The following PCDHA12 variants were observed in gnomAD, a reference collection of about 807,000 sequenced individuals.
PCDHA12 encodes the protein protocadherin alpha-12.
In PCDHA12, 44 loss-of-function variants were observed where a neutral mutation model predicts 60.0. The observed-to-expected ratio is 0.73, with a 90% confidence interval of 0.58 to 0.94. The LOEUF is 0.94. Ranked by LOEUF, PCDHA12 falls within the 40% of genes least tolerant of loss-of-function variation. The pLI is 0.00. For synonymous variants in PCDHA12, 569 were observed against 553.0 expected (o/e 1.03, Z -0.40); for missense variants, 1,276 against 1,239.7 (o/e 1.03, Z -0.44).
chr5:140,898,560 G>T lies in PCDHA12; in HGVS notation c.2367+20721G>T, dbSNP rs185604146. On this transcript the variant is annotated intron_variant, in intron 1 of 3. Coordinates refer to ENST00000398631, the MANE Select transcript of PCDHA12 (RefSeq NM_018903.4). ...TTCCATTTATCTATGTCTCTGTTTT[G>T]GTACCAGTGCCATGCTGTTTTGGTT... Among the ~76,000 whole-genome samples the T allele has an allele frequency of 5.1e-3, 775 of 152,210 alleles. 4 individuals carry two copies. The highest frequency in any genetic ancestry group is 8.5e-3 in the Non-Finnish European group (578 of 68,016).
At chr5:140,882,702 C>T (rs2059269414) in intron 1 of PCDHA12, 1 of 1,614,098 alleles carries the variant, frequency 6.2e-7, no homozygotes, top group African/African-American at 1.3e-5. Flanking sequence ...ATTGCAGAAT[C>T]TAGACCTCCG....
At chr5:140,979,169 A>T (rs2096837685) in intron 2 of PCDHA12, 162 bp downstream of exon 2, 1 of 966,312 alleles carries the variant, frequency 1.0e-6, no homozygotes, top group Admixed American at 6.2e-5. Context: ...TCCTTGAAAG[A>T]TCGCAAATGG....
chr5:141,000,361 G>C (rs1253295818), intron 3 of PCDHA12, among the ~76,000 whole-genome samples: 2 of 26,450 alleles, frequency 7.6e-5, no homozygotes, highest in Non-Finnish European at 1.2e-4. Context: ...GTCTCTCTCT[G>C]TCTCTCTCTC....
chr5:140,999,687 A>G (rs1554256930), intron 3 of PCDHA12, among the ~76,000 whole-genome samples: 2 of 152,044 alleles, frequency 1.3e-5, no homozygotes, highest in Non-Finnish European at 2.9e-5. Flanking sequence ...AGAAAGAAGA[A>G]ATGTGATTTT....
intron 1 of PCDHA12, among the ~76,000 whole-genome samples, chr5:140,906,717 T>G (rs566025860): frequency 6.6e-6 from 1 of 152,320 alleles, no homozygotes; most frequent in African/African-American, 2.4e-5. Context: ...CTGCCTGGAT[T>G]GTGCTGTTGT....
intron 1 of PCDHA12, chr5:140,928,846 C>A: frequency 1.2e-6 from 2 of 1,614,192 alleles, no homozygotes; most frequent in Non-Finnish European, 1.7e-6. Context: ...CTCTGTCACT[C>A]TGGGTGTGCT....
chr5:140,890,409 A>G (rs1554184285), intron 1 of PCDHA12, among the ~76,000 whole-genome samples: 1 of 152,174 alleles, frequency 6.6e-6, no homozygotes, highest in Non-Finnish European at 1.5e-5. Context: ...TTTAACTTGA[A>G]TATTTATTTA....
intron 1 of PCDHA12, chr5:140,969,364 T>C: frequency 6.2e-7 from 1 of 1,610,368 alleles, no homozygotes; most frequent in Non-Finnish European, 8.5e-7. Context: ...TTCTACAAAC[T>C]CATGCATTTG....
chr5:140,974,328 C>G (rs2096623040), intron 1 of PCDHA12, among the ~76,000 whole-genome samples: 1 of 152,198 alleles, frequency 6.6e-6, no homozygotes, highest in Admixed American at 6.5e-5. Flanking sequence ...AGCTGCTGTG[C>G]TAGCAGGCTA....
At position 140,877,378 on chromosome 5, in the gene PCDHA12, A is replaced by G; in HGVS notation, c.1906A>G (p.Ile636Val). 2 of 1,613,974 alleles carry G rather than the reference A, an allele frequency of 1.2e-6. No individual in the cohort carries two copies. Among genetic ancestry groups the G allele is most frequent in the South Asian group, 1.1e-5 (1 of 91,086 alleles). The change falls in exon 1 of 4, where the codon ATC (isoleucine) becomes GTC (valine). Residue 636 changes from isoleucine to valine, a missense_variant. Ile to Val is a conservative substitution (Grantham distance 29). Transcript: ENST00000398631. ...LYTGEISTTR[I>V]LDEADAPRHR... ...CACTGGCGAGATCAGCACGACACGC[A>G]TCCTGGATGAGGCGGACGCTCCGCG...
intron 1 of PCDHA12, chr5:140,927,351 G>A (rs782202644): frequency 1.4e-5 from 23 of 1,614,054 alleles, no homozygotes; most frequent in Non-Finnish European, 1.9e-5. Flanking sequence ...ATGACGACGA[G>A]GGAAGCAATG....
intron 1 of PCDHA12, among the ~76,000 whole-genome samples, chr5:140,906,949 A>G (rs1349850915): frequency 1.3e-5 from 2 of 152,144 alleles, no homozygotes; most frequent in Non-Finnish European, 2.9e-5. Flanking sequence ...CTTAATTTCC[A>G]GTTTAATGGA....
Position 141,007,689 on chromosome 5 carries a change from A to G in PCDHA12, c.2516-1938A>G, listed in dbSNP as rs545850175. Among the ~76,000 whole-genome samples the G allele has an allele frequency of 3.5e-4, 53 of 152,196 alleles. 1 individual carries two copies. Among genetic ancestry groups the G allele is most frequent in the African/African-American group, 1.3e-3 (52 of 41,536 alleles). On this transcript the variant is annotated intron_variant, in intron 3 of 3. Coordinates refer to ENST00000398631, the MANE Select transcript of PCDHA12 (RefSeq NM_018903.4). ...CAAAGACAAAAGTTATCCTACTTCC[A>G]CCTCCCTCCTCTGCCTCCCACCACC...
At chr5:140,999,088 G>T (rs1429141341) in intron 3 of PCDHA12, among the ~76,000 whole-genome samples, 1 of 152,156 alleles carries the variant, frequency 6.6e-6, no homozygotes, top group Non-Finnish European at 1.5e-5. Context: ...TCCTTCAGAG[G>T]GCTATGGAGA....
chr5:140,947,549 C>T (rs530708816), intron 1 of PCDHA12, among the ~76,000 whole-genome samples: 11 of 151,312 alleles, frequency 7.3e-5, no homozygotes, highest in Admixed American at 2.0e-4. Context: ...CAAAGAATTC[C>T]GCTGGGATTT....
At chr5:140,884,205 G>T (rs1554181325) in intron 1 of PCDHA12, 3 of 1,613,490 alleles carry the variant, frequency 1.9e-6, no homozygotes, top group East Asian at 4.5e-5. Context: ...CCGCACCACC[G>T]CCTTCTGGTG....
At chr5:140,988,805 C>T (rs782160959) in intron 3 of PCDHA12, 8 of 152,232 alleles carry the variant, frequency 5.3e-5, no homozygotes, top group African/African-American at 1.4e-4. Context: ...GAATTTCTTC[C>T]GTAACAGTAG....
intron 3 of PCDHA12, among the ~76,000 whole-genome samples, chr5:140,999,702 T>A (rs78322991): frequency 6.6e-6 from 1 of 152,136 alleles, no homozygotes; most frequent in South Asian, 2.1e-4. Context: ...GATTTTTTTT[T>A]AGCTAACTAC....
chr5:140,928,876 C>T (rs1554206456), intron 1 of PCDHA12: 1 of 1,614,194 alleles, frequency 6.2e-7, no homozygotes, highest in Non-Finnish European at 8.5e-7. Context: ...CTCTGTCCCT[C>T]AGTTACTTCC....
Sources: gnomAD v4.1 joint callset for allele counts (sites outside exome capture counted in the v4.1 genomes callset) on GRCh38, gnomAD v4.1.1 for gene constraint, MANE v1.5 for transcripts, NCBI Gene and HGNC (gene_info 2026-07-23, HGNC 2026-07-21) for gene names.